CTNNA3: variants seen among roughly 807,000 people sequenced by gnomAD.
The protein encoded by CTNNA3 is catenin alpha 3.
A neutral mutation model predicts 95.7 loss-of-function variants in CTNNA3; 76 were observed. The observed-to-expected ratio is 0.79, with a 90% confidence interval of 0.66 to 0.96. The LOEUF is 0.96. Among genes scored for constraint, CTNNA3 ranks in the 40% least tolerant of loss-of-function variants. CTNNA3 has a pLI of 0.00. For synonymous variants in CTNNA3, 431 were observed against 374.4 expected (o/e 1.15, Z -1.74); for missense variants, 1,191 against 1,089.8 (o/e 1.09, Z -1.31).
chr10:67,697,473 T>G (rs1840988532), upstream of CTNNA3, among the ~76,000 whole-genome samples: 1 of 152,218 alleles, frequency 6.6e-6, no homozygotes, highest in Non-Finnish European at 1.5e-5. Context: ...AATTCTATCA[T>G]AAGCCTAGCT....
At chr10:67,300,387 C>A (rs138530890) in intron 5 of CTNNA3, among the ~76,000 whole-genome samples, 4,749 of 152,290 alleles carry the variant, frequency 0.031, 97 homozygotes, top group South Asian at 0.098. Flanking sequence ...CTCCTTCCTA[C>A]AGAGGACAGC....
intron 7 of CTNNA3, among the ~76,000 whole-genome samples, chr10:67,002,655 T>C (rs930006789): frequency 6.6e-6 from 1 of 152,152 alleles, no homozygotes; most frequent in African/African-American, 2.4e-5. Context: ...CTGGGCCATG[T>C]ATTTCAGGAT....
intron 5 of CTNNA3, among the ~76,000 whole-genome samples, chr10:67,298,790 T>A (rs10823024): frequency 0.32 from 48,649 of 152,192 alleles, 13,141 homozygotes; most frequent in African/African-American, 0.73. Context: ...CAACTGGAAC[T>A]ATATGTGCAA....
At chr10:66,258,124 C>T (rs1427779556) in intron 13 of CTNNA3, among the ~76,000 whole-genome samples, 1 of 152,184 alleles carries the variant, frequency 6.6e-6, no homozygotes, top group Non-Finnish European at 1.5e-5. Context: ...TACCCTGCAG[C>T]TTCTCCAAGA....
intron 12 of CTNNA3, among the ~76,000 whole-genome samples, chr10:66,346,246 TAGAGAGAGAGAGAG>T (rs371257440): frequency 2.9e-4 from 8 of 27,790 alleles, no homozygotes; most frequent in Admixed American, 7.2e-4. Context: ...TATATATATA[TAGAGAGAGAGAGAG>T]AGAGAGAGAG....
chr10:66,860,446 T>G (rs560340365), intron 7 of CTNNA3, among the ~76,000 whole-genome samples: 1 of 152,274 alleles, frequency 6.6e-6, no homozygotes, highest in South Asian at 2.1e-4. Context: ...ACAGCACTTG[T>G]AAGGACCAAC....
At chr10:66,521,733 C>A (rs1841074374) in intron 10 of CTNNA3, among the ~76,000 whole-genome samples, 1 of 152,046 alleles carries the variant, frequency 6.6e-6, no homozygotes, top group Admixed American at 6.6e-5. Context: ...TTGCCATAAC[C>A]CTTGTTCTTG....
intron 7 of CTNNA3, among the ~76,000 whole-genome samples, chr10:66,799,202 TA>T (rs11296840): frequency 0.028 from 4,209 of 151,610 alleles, 191 homozygotes; most frequent in African/African-American, 0.097. Context: ...GTGAATAGCT[TA>T]CAATAAAAAA....
At chr10:66,481,633 G>A (rs1470496070) in intron 11 of CTNNA3, among the ~76,000 whole-genome samples, 3 of 147,312 alleles carry the variant, frequency 2.0e-5, no homozygotes, top group Admixed American at 6.6e-5. Context: ...CACCACGCCC[G>A]GCTAATTTTT....
chr10:67,127,015 C>T (rs1859752002), intron 7 of CTNNA3, among the ~76,000 whole-genome samples: 2 of 152,186 alleles, frequency 1.3e-5, no homozygotes, highest in African/African-American at 4.8e-5. Context: ...AATACAGCTA[C>T]AGCATATATT....
At chr10:66,739,995 G>A (rs1849274307) in intron 9 of CTNNA3, among the ~76,000 whole-genome samples, 1 of 152,210 alleles carries the variant, frequency 6.6e-6, no homozygotes, top group African/African-American at 2.4e-5. Flanking sequence ...ACGTGGGAAT[G>A]GAGTAGGAAA....
At chr10:66,202,041 C>A (rs1006178599) in intron 13 of CTNNA3, among the ~76,000 whole-genome samples, 1 of 152,048 alleles carries the variant, frequency 6.6e-6, no homozygotes, top group Non-Finnish European at 1.5e-5. Flanking sequence ...GCCACCCTGG[C>A]CTCCCAAAGT....
Position 67,110,751 on chromosome 10 carries a change from G to T in CTNNA3, c.1047+69566C>A, listed in dbSNP as rs553073863. On this transcript the variant is annotated intron_variant, in intron 7 of 17. Transcript: ENST00000433211. ...CATATTTTATTACTTTTGTTGAACT[G>T]CCCAGTGTATATTACATTTGCTATA... Among the ~76,000 whole-genome samples, 105 of 152,048 alleles carry T rather than the reference G, an allele frequency of 6.9e-4. 1 individual carries two copies. The highest frequency in any genetic ancestry group is 2.5e-3 in the African/African-American group (102 of 41,460).
chr10:67,401,169 G>C (rs74144413), intron 5 of CTNNA3, among the ~76,000 whole-genome samples: 4,399 of 152,196 alleles, frequency 0.029, 211 homozygotes, highest in African/African-American at 0.099. Flanking sequence ...GGAAGCAAAA[G>C]CAGCCCTCAC....
chr10:67,514,834 A>C (rs956344688), intron 5 of CTNNA3, among the ~76,000 whole-genome samples: 4 of 152,070 alleles, frequency 2.6e-5, no homozygotes, highest in Non-Finnish European at 4.4e-5. Flanking sequence ...AGTAGCTATA[A>C]GCTGCCCACA....
chr10:67,015,926 G>T (rs1376884634), intron 7 of CTNNA3, among the ~76,000 whole-genome samples: 1 of 151,624 alleles, frequency 6.6e-6, no homozygotes, highest in Non-Finnish European at 1.5e-5. Flanking sequence ...TATTCTATTT[G>T]TGTTGCTTCC....
chr10:67,268,553 C>CT (rs1319626399), intron 5 of CTNNA3, among the ~76,000 whole-genome samples: 2 of 151,854 alleles, frequency 1.3e-5, no homozygotes, highest in Non-Finnish European at 2.9e-5. Context: ...CCTCTACGGC[C>CT]TTTTTTGTTT....
chr10:67,268,229 G>A (rs1407659620), intron 5 of CTNNA3, among the ~76,000 whole-genome samples: 4 of 151,846 alleles, frequency 2.6e-5, no homozygotes, highest in South Asian at 2.1e-4. Context: ...ATTTTGGGAG[G>A]CGAAGGCAGG....
chr10:66,104,856 T>C lies in CTNNA3; in HGVS notation c.1885-1607A>G, dbSNP rs1364389878. Among the ~76,000 whole-genome samples the C allele has an allele frequency of 2.0e-5, 3 of 152,184 alleles. No individual in the cohort carries two copies. The South Asian group carries it at 6.2e-4, about 32-fold the overall frequency. On this transcript the variant is annotated intron_variant, in intron 13 of 17. Transcript: ENST00000433211. ...GCTTTACACACAGACATTCTGTTTA[T>C]TGTCAGGGCTGCCAATAGCCTTTCA...
Sources: allele counts gnomAD v4.1 joint callset (sites outside exome capture counted in the v4.1 genomes callset), GRCh38; gene constraint gnomAD v4.1.1; transcripts MANE v1.5; gene names NCBI Gene and HGNC (gene_info 2026-07-23, HGNC 2026-07-21).